STK31: variants seen among roughly 807,000 people sequenced by gnomAD.
STK31 encodes serine/threonine kinase 31.
Under a neutral mutation model 129.7 loss-of-function variants are expected in STK31, and 89 were observed. That is an observed-to-expected ratio of 0.69 (90% confidence interval 0.58 to 0.82). The LOEUF is 0.82. STK31 is among the 40% of genes least tolerant of loss of function. STK31 has a pLI of 0.00. For missense variants in STK31, 1,187 were observed against 1,176.4 expected (o/e 1.01, Z -0.13); for synonymous variants, 448 against 395.3 (o/e 1.13, Z -1.58).
intron 6 of STK31, among the ~76,000 whole-genome samples, chr7:23,730,878 A>ATATATATATATATATATATATTTTTTTT: frequency 1.5e-4 from 9 of 59,526 alleles, no homozygotes; most frequent in South Asian, 8.2e-4. Context: ...ATATATATAT[A>ATATATATATATATATATATATTTTTTTT]TTTTTTTTTT....
chr7:23,712,087 G>C lies in STK31; in HGVS notation c.51-12G>C. 6.3e-7 allele frequency: 1 copy of C among 1,589,640 alleles called. No individual in the cohort carries two copies. The highest frequency in any genetic ancestry group is 1.3e-5 in the African/African-American group (1 of 74,316). On this transcript the variant is annotated splice_polypyrimidine_tract_variant and intron_variant, in intron 1 of 23. Transcript: ENST00000355870. ...GTGGATTATTGTAATCTAATTTAAGGTATTGTTCTAGTTTTTCAGGAATTG... is the reference window on the plus strand; with the variant it reads ...GTGGATTATTGTAATCTAATTTAAGCTATTGTTCTAGTTTTTCAGGAATTG...
chr7:23,818,699 A>C (rs1172200064), intron 23 of STK31, among the ~76,000 whole-genome samples: 1 of 151,192 alleles, frequency 6.6e-6, no homozygotes, highest in Non-Finnish European at 1.5e-5. Context: ...ATCTCAGCTC[A>C]CTGCAGCCTC....
At chr7:23,725,424 C>T (rs1787003300) in intron 4 of STK31, among the ~76,000 whole-genome samples, 1 of 142,340 alleles carries the variant, frequency 7.0e-6, no homozygotes. Flanking sequence ...GTGCCTGTAA[C>T]CCCAGATATT....
At chr7:23,795,188 C>T (rs1472205284) in intron 22 of STK31, among the ~76,000 whole-genome samples, 16 of 152,316 alleles carry the variant, frequency 1.1e-4, no homozygotes, top group African/African-American at 2.4e-4. Flanking sequence ...GCTGGGCCCA[C>T]GGTCCCCCTG....
chr7:23,727,661 C>G (rs1268535996), intron 5 of STK31: 1 of 189,766 alleles, frequency 5.3e-6, no homozygotes, highest in Non-Finnish European at 1.0e-5. Context: ...CTCCTAGGTT[C>G]AAGCTATTCT....
intron 15 of STK31, among the ~76,000 whole-genome samples, chr7:23,779,719 G>A (rs1313819519): frequency 6.6e-6 from 1 of 152,208 alleles, no homozygotes; most frequent in Admixed American, 6.5e-5. Context: ...GTTGACTTCA[G>A]ACTGCCATGC....
At chr7:23,743,429 A>G (rs1221593030) in intron 8 of STK31, among the ~76,000 whole-genome samples, 1 of 152,162 alleles carries the variant, frequency 6.6e-6, no homozygotes. Flanking sequence ...ATTCTTGACT[A>G]GCAGTTTCCT....
chr7:23,832,358 G>C lies in STK31; in HGVS notation c.3052G>C (p.Asp1018His), dbSNP rs774703476. 6.2e-7 allele frequency: 1 copy of C among 1,606,778 alleles called. No homozygotes were observed. Among genetic ancestry groups the C allele is most frequent in the South Asian group, 1.1e-5 (1 of 89,332 alleles). ...EKTRNGEANFDC is the reference protein window; with the variant it reads ...EKTRNGEANFHC ...GACAAGAAATGGTGAAGCCAACTTT[G>C]ATTGTTAAATTATTATTGTTGTTGT... The change falls in exon 24 of 24, where the codon GAT becomes CAT. Residue 1018 changes from aspartate (D) to histidine (H), a missense_variant. Asp to His is a moderately conservative substitution (Grantham distance 81). Transcript: ENST00000355870.
At chr7:23,777,660 TG>T (rs1790646713) in intron 15 of STK31, among the ~76,000 whole-genome samples, 1 of 152,138 alleles carries the variant, frequency 6.6e-6, no homozygotes, top group African/African-American at 2.4e-5. Flanking sequence ...TTGCAATCCC[TG>T]CTTTTTTTTG....
chr7:23,766,285 C>A (rs1237768363), intron 11 of STK31, among the ~76,000 whole-genome samples: 4 of 152,204 alleles, frequency 2.6e-5, no homozygotes, highest in African/African-American at 9.6e-5. Context: ...TTATTTGAGA[C>A]AGAGTCTTGC....
chr7:23,734,292 G>T (rs900977747), intron 6 of STK31, among the ~76,000 whole-genome samples: 2 of 152,300 alleles, frequency 1.3e-5, no homozygotes, highest in South Asian at 4.2e-4. Flanking sequence ...CAAGGAAGTT[G>T]TGAACCAGTA....
intron 11 of STK31, 56 bp from the exon 12 acceptor site, chr7:23,768,939 C>G: frequency 5.6e-6 from 8 of 1,421,744 alleles, no homozygotes; most frequent in Non-Finnish European, 7.5e-6. Context: ...TAACACAGTG[C>G]TCGAATCCTG....
chr7:23,822,583 A>G (rs1793848239), intron 23 of STK31, among the ~76,000 whole-genome samples: 2 of 152,134 alleles, frequency 1.3e-5, no homozygotes, highest in African/African-American at 4.8e-5. Context: ...AAAGAGGGAC[A>G]GTTTGACTTT....
At chr7:23,747,683 T>C (rs188278853) in intron 8 of STK31, among the ~76,000 whole-genome samples, 92 of 152,326 alleles carry the variant, frequency 6.0e-4, no homozygotes, top group Non-Finnish European at 1.1e-3. Context: ...AGATTATTTT[T>C]GTGTGAGCTT....
chr7:23,749,606 G>A (rs889924229), intron 8 of STK31, among the ~76,000 whole-genome samples: 3 of 151,270 alleles, frequency 2.0e-5, no homozygotes, highest in Non-Finnish European at 4.4e-5. Flanking sequence ...ACCCACTTCA[G>A]CCTCCCAAAG....
intron 15 of STK31, among the ~76,000 whole-genome samples, chr7:23,772,888 A>G (rs1344450016): frequency 6.6e-6 from 1 of 152,136 alleles, no homozygotes; most frequent in African/African-American, 2.4e-5. Flanking sequence ...CCTTAATCCA[A>G]TTTGAATTAT....
chr7:23,825,853 T>C (rs973686821), intron 23 of STK31, among the ~76,000 whole-genome samples: 27 of 152,246 alleles, frequency 1.8e-4, no homozygotes, highest in African/African-American at 6.0e-4. Context: ...CATTTCGTTA[T>C]GTGCTCAGTA....
intron 7 of STK31, among the ~76,000 whole-genome samples, chr7:23,736,584 C>G (rs10265773): frequency 5.7e-3 from 420 of 73,940 alleles, no homozygotes; most frequent in East Asian, 0.018. Context: ...GGGGGGATCA[C>G]GGGGGGGGGA....
Position 23,832,334 on chromosome 7 carries a change from A to C in STK31, c.3028A>C (p.Thr1010Pro), listed in dbSNP as rs56391043. 1.2e-6 allele frequency: 2 copies of C among 1,612,042 alleles called. No individual in the cohort carries two copies. Among genetic ancestry groups the C allele is most frequent in the Middle Eastern group, 1.7e-4 (1 of 5,918 alleles). The change falls in exon 24 of 24, where the codon ACA becomes CCA. Residue 1010 changes from threonine to proline, a missense_variant. Physicochemically the swap from Thr to Pro is conservative, Grantham distance 38 (BLOSUM62 -1). This residue lies in a region of STK31 where 975 missense variants were observed against 934.9 expected (regional missense o/e 1.04). Transcript: ENST00000355870. ...TENLDKCMEK[T>P]RNGEANFDC is the part of the protein sequence containing the mutation. ...GAACTTGGATAAATGTATGGAGAAG[A>C]CAAGAAATGGTGAAGCCAACTTTGA...
Sources: allele counts gnomAD v4.1 joint callset (sites outside exome capture counted in the v4.1 genomes callset), GRCh38; gene constraint gnomAD v4.1.1; regional missense constraint gnomAD v4.1.1; transcripts MANE v1.5; gene names NCBI Gene and HGNC (gene_info 2026-07-23, HGNC 2026-07-21).